Variants in ACOT7 observed in about 807,000 individuals in gnomAD.
The protein encoded by ACOT7 is cytosolic acyl coenzyme A thioester hydrolase.
Under a neutral mutation model 40.2 loss-of-function variants are expected in ACOT7, and 12 were observed. The observed-to-expected ratio is 0.30, with a 90% confidence interval of 0.19 to 0.48. The LOEUF (loss-of-function observed/expected upper bound fraction) is 0.48. Among genes scored for constraint, ACOT7 ranks in the 20% least tolerant of loss-of-function variants. The pLI, the probability that ACOT7 is intolerant of heterozygous loss-of-function variation, is 0.99. For missense variants in ACOT7, 395 were observed against 530.8 expected (o/e 0.74, Z 2.51); for synonymous variants, 228 against 219.5 (o/e 1.04, Z -0.34).
intron 1 of ACOT7, among the ~76,000 whole-genome samples, chr1:6,382,692 T>C (rs1642361009): frequency 6.6e-6 from 1 of 151,516 alleles, no homozygotes; most frequent in Non-Finnish European, 1.5e-5. Flanking sequence ...AGCACATGCC[T>C]GTGGTCCCAG....
At position 6,315,003 on chromosome 1, in the gene ACOT7, C is replaced by T. The variant is rs556457083; in HGVS notation, c.712+3489G>A. 2.6e-5 allele frequency among the ~76,000 whole-genome samples: 4 copies of T among 152,256 alleles called. No homozygotes were observed. In the South Asian group the frequency reaches 8.3e-4, roughly 32 times the overall value. On this transcript the variant is annotated intron_variant, in intron 6 of 8. Transcript: ENST00000361521. ...CTCACTCCCCAGATCTCTACTATTC[C>T]CCTAACTAAAGACAGGAGGTTCTGT...
intron 5 of ACOT7, 82 bp downstream of exon 5, chr1:6,327,217 C>T: frequency 7.3e-7 from 1 of 1,372,022 alleles, no homozygotes; most frequent in Non-Finnish European, 1.0e-6. Flanking sequence ...AAGCATGAGG[C>T]TCACGTAGGC....
chr1:6,281,346 A>AC, intron 7 of ACOT7, 60 bp from the exon 8 acceptor site: 4 of 1,515,982 alleles, frequency 2.6e-6, no homozygotes, highest in Non-Finnish European at 3.6e-6. Context: ...GGCGGGGGAC[A>AC]CTGGCGTTTC....
chr1:6,328,823 G>A (rs1037880983), intron 4 of ACOT7, among the ~76,000 whole-genome samples: 1 of 152,238 alleles, frequency 6.6e-6, no homozygotes, highest in African/African-American at 2.4e-5. Context: ...CACACTGGAG[G>A]GGATGCACCA....
chr1:6,339,707 C>A, intron 2 of ACOT7, 118 bp from the exon 3 acceptor site: 29 of 1,084,960 alleles, frequency 2.7e-5, no homozygotes, highest in South Asian at 3.3e-5. Context: ...ACTGTGAAAG[C>A]AACCAATGTA....
At chr1:6,265,837 C>A (rs1412070837) in intron 8 of ACOT7, among the ~76,000 whole-genome samples, 2 of 152,196 alleles carry the variant, frequency 1.3e-5, no homozygotes, top group Non-Finnish European at 2.9e-5. Flanking sequence ...CACAATGACA[C>A]CAAACTGTAC....
rs114896381 is a variant in ACOT7, at chr1:6,372,436, C to T, written c.143+20821G>A. 7.8e-3 allele frequency among the ~76,000 whole-genome samples: 1,189 copies of T among 152,224 alleles called. 20 individuals are homozygous for T. Among genetic ancestry groups the T allele is most frequent in the African/African-American group, 0.026 (1,089 of 41,548 alleles). On this transcript the variant is annotated intron_variant, in intron 1 of 8. Coordinates refer to ENST00000361521, the MANE Select transcript of ACOT7 (RefSeq NM_007274.4). Reference sequence around the variant, plus strand: ...CTGGAGCAGCACTTGTAATTTCCTTCGAAGGACTTTTCCTTTGCATTCACA... The same window carrying T: ...CTGGAGCAGCACTTGTAATTTCCTTTGAAGGACTTTTCCTTTGCATTCACA...
rs76101624 is a variant in ACOT7, at chr1:6,361,986, G to A, written c.144-12120C>T. ...CACAGCTTGGCAGAGATCTGCAGAT[G>A]TGGCATCCATCTCTAACCCAAAACA... On this transcript the variant is annotated intron_variant, in intron 1 of 8. Coordinates refer to ENST00000361521, the MANE Select transcript of ACOT7 (RefSeq NM_007274.4). 2.4e-3 allele frequency among the ~76,000 whole-genome samples: 363 copies of A among 152,308 alleles called. 2 individuals are homozygous for A. The highest frequency in any genetic ancestry group is 8.3e-3 in the African/African-American group (345 of 41,564).
intron 1 of ACOT7, among the ~76,000 whole-genome samples, chr1:6,387,580 AG>A (rs982338537): frequency 1.3e-5 from 2 of 152,158 alleles, no homozygotes; most frequent in Non-Finnish European, 2.9e-5. Flanking sequence ...TGAGAGTGAG[AG>A]GCCAAGGGGT....
intron 1 of ACOT7, among the ~76,000 whole-genome samples, chr1:6,357,698 G>A (rs917739729): frequency 2.0e-5 from 3 of 152,134 alleles, no homozygotes; most frequent in African/African-American, 4.8e-5. Context: ...AAGGAGAAGC[G>A]GGTCTCCTTA....
At chr1:6,351,588 G>A (rs1055466899) in intron 1 of ACOT7, among the ~76,000 whole-genome samples, 20 of 152,232 alleles carry the variant, frequency 1.3e-4, no homozygotes, top group African/African-American at 4.8e-4. Flanking sequence ...GCCTGTCCTG[G>A]GGGCACTAGC....
Position 6,339,568 on chromosome 1 carries a change from C to T in ACOT7, c.283G>A (p.Ala95Thr), listed in dbSNP as rs769564038. The change falls in exon 3 of 9, where the codon GCT (alanine) becomes ACT (threonine). Residue 95 changes from alanine to threonine, a missense_variant. By Grantham distance (58) the Ala-to-Thr change is moderately conservative (BLOSUM62 0). Coordinates refer to ENST00000361521, the MANE Select transcript of ACOT7 (RefSeq NM_007274.4). ...AGGAAGTCGGTGCGCTCGACACGAGCCAGGGCGGCCACACAGCGCTCCTGT... is the reference window on the plus strand; with the variant it reads ...AGGAAGTCGGTGCGCTCGACACGAGTCAGGGCGGCCACACAGCGCTCCTGT... ...QNGERCVAAL[A>T]RVERTDFLSP... The T allele has an allele frequency of 6.2e-7, 1 of 1,613,390 alleles. No homozygotes were observed. Among genetic ancestry groups the T allele is most frequent in the Non-Finnish European group, 8.5e-7 (1 of 1,179,954 alleles).
At chr1:6,345,441 CA>C (rs1453115711) in intron 2 of ACOT7, among the ~76,000 whole-genome samples, 3 of 152,252 alleles carry the variant, frequency 2.0e-5, no homozygotes, top group Non-Finnish European at 4.4e-5. Flanking sequence ...TGCAGCGACA[CA>C]ACCTCTCCAC....
intron 8 of ACOT7, among the ~76,000 whole-genome samples, chr1:6,279,233 G>A (rs1170997688): frequency 1.3e-5 from 2 of 152,230 alleles, no homozygotes; most frequent in Admixed American, 1.3e-4. Flanking sequence ...GTCAGGGGCT[G>A]AGGAACGACT....
intron 8 of ACOT7, among the ~76,000 whole-genome samples, chr1:6,277,037 C>A (rs1319043953): frequency 6.6e-6 from 1 of 152,132 alleles, no homozygotes; most frequent in African/African-American, 2.4e-5. Context: ...CCCAGGACTG[C>A]TCCCCAGCTG....
At chr1:6,341,908 C>T (rs1030089047) in intron 2 of ACOT7, among the ~76,000 whole-genome samples, 1 of 152,160 alleles carries the variant, frequency 6.6e-6, no homozygotes, top group Non-Finnish European at 1.5e-5. Context: ...TGTGTCAGAT[C>T]GGACTCCGCA....
In ACOT7 at chr1:6,330,839, C is replaced by G. The variant is rs1003571526; in HGVS notation, c.510+2638G>C. 9.2e-5 allele frequency among the ~76,000 whole-genome samples: 14 copies of G among 152,304 alleles called. No individual in the cohort carries two copies. The South Asian group carries it at 1.7e-3, about 18-fold the overall frequency. On this transcript the variant is annotated intron_variant, in intron 4 of 8. Transcript: ENST00000361521. The surrounding 1 kb of genome is among the most constrained non-coding windows in gnomAD (Gnocchi z 4.6). ...GGTCCAGGCCCGCCCCTCGGTATCA[C>G]CCGCCTGAGATGCACCATCAGATGC... is the stretch of plus-strand genomic sequence containing the variant.
At chr1:6,381,308 AAC>A (rs140230275) in intron 1 of ACOT7, among the ~76,000 whole-genome samples, 4,695 of 151,966 alleles carry the variant, frequency 0.031, 244 homozygotes, top group African/African-American at 0.11. Context: ...TAAATATACA[AAC>A]AGTTTAGCAA....
At chr1:6,361,507 C>G (rs1056899558) in intron 1 of ACOT7, among the ~76,000 whole-genome samples, 16 of 152,318 alleles carry the variant, frequency 1.1e-4, no homozygotes, top group African/African-American at 3.8e-4. Flanking sequence ...CTGTTATAAA[C>G]TACAAACAAG....
Sources: allele counts gnomAD v4.1 joint callset (sites outside exome capture counted in the v4.1 genomes callset), GRCh38; gene constraint gnomAD v4.1.1; non-coding constraint Gnocchi (gnomAD v3.1); transcripts MANE v1.5; gene names NCBI Gene and HGNC (gene_info 2026-07-23, HGNC 2026-07-21).